OSBPL7: variants seen among roughly 807,000 people sequenced by gnomAD.
OSBPL7 encodes the protein oxysterol binding protein like 7.
Under a neutral mutation model 115.8 loss-of-function variants are expected in OSBPL7, and 66 were observed. The observed-to-expected ratio is 0.57, with a 90% CI of 0.47 to 0.70. The LOEUF (loss-of-function observed/expected upper bound fraction) is 0.70. OSBPL7 is among the 30% of genes least tolerant of loss of function. The pLI, the probability that OSBPL7 is intolerant of heterozygous loss-of-function variation, is 0.00. For synonymous variants in OSBPL7, 441 were observed against 439.2 expected, an observed-to-expected ratio of 1.00 and a Z score of -0.05; for missense variants, 902 against 1,125.5, an observed-to-expected ratio of 0.80 and a Z score of 2.84.
In OSBPL7 at chr17:47,813,659, C is replaced by G. The variant is rs780540091; in HGVS notation, c.1527G>C (p.Arg509=). Residue 509 remains arginine, a synonymous_variant, in exon 15 of 23, where the codon CGG becomes CGC. Transcript: ENST00000007414. ...TGCTGTACTCCAGCTCCTCGCAGAGCCGCTGCAGAGTGTTGAGCGGCTCGT... is the reference window on the plus strand; with the variant it reads ...TGCTGTACTCCAGCTCCTCGCAGAGGCGCTGCAGAGTGTTGAGCGGCTCGT... The part of the protein sequence containing the change: ...QLNEPLNTLQ[R]LCEELEYSSL... 6 of 1,613,266 alleles carry G rather than the reference C, an allele frequency of 3.7e-6. No homozygotes were observed. In the East Asian group the frequency reaches 1.3e-4, roughly 36 times the overall value.
intron 19 of OSBPL7, 37 bp downstream of exon 19, chr17:47,809,297 C>T (rs373566503): frequency 6.8e-6 from 11 of 1,610,752 alleles, no homozygotes; most frequent in Admixed American, 3.3e-5. Flanking sequence ...CAGAGGCTGC[C>T]GGGGATGGAT....
chr17:47,814,872 A>T (rs1467940753), intron 13 of OSBPL7: 2 of 567,896 alleles, frequency 3.5e-6, no homozygotes, highest in Non-Finnish European at 6.2e-6. Context: ...ACACAGAGGG[A>T]AGGGAAGTTG....
Position 47,818,483 on chromosome 17 carries a change from C to T in OSBPL7, c.480+23G>A, listed in dbSNP as rs996552815. The T allele has an allele frequency of 5.0e-6, 8 of 1,588,456 alleles. No homozygotes were observed. In the African/African-American group the frequency reaches 8.1e-5, roughly 16 times the overall value. ...GCCCCTGAATTGCCACATTACCTGC[C>T]CCCACCCCAGGGTCCACCTTACCTT... is the stretch of plus-strand genomic sequence containing the variant. On this transcript the variant is annotated intron_variant, in intron 6 of 22. Coordinates refer to ENST00000007414, the MANE Select transcript of OSBPL7 (RefSeq NM_145798.3).
Position 47,818,280 on chromosome 17 carries a change from C to A in OSBPL7, c.587G>T (p.Arg196Leu). 6.2e-7 allele frequency: 1 copy of A among 1,613,096 alleles called. No homozygotes were observed. The highest frequency in any genetic ancestry group is 1.7e-4 in the Middle Eastern group (1 of 5,958). Residue 196 changes from arginine (R) to leucine (L), a missense_variant, in exon 7 of 23, where the codon CGC (arginine) becomes CTC (leucine). This residue lies in a region of OSBPL7 where 667 missense variants were observed against 788.7 expected (regional missense o/e 0.85). Coordinates refer to ENST00000007414, the MANE Select transcript of OSBPL7 (RefSeq NM_145798.3). ...SWLRDSDGLD[R>L]CSHELSECQG... ...CTAGGGCCCCTCACCATGAGAGCAG[C>A]GGTCCAGCCCATCACTGTCCCTCAG... is the stretch of plus-strand genomic sequence containing the variant.
At chr17:47,815,095 A>C in intron 13 of OSBPL7, 120 bp downstream of exon 13, 1 of 1,326,962 alleles carries the variant, frequency 7.5e-7, no homozygotes, top group Non-Finnish European at 1.0e-6. Flanking sequence ...ACATAGTCCC[A>C]GAGATAGCAG....
rs371466985 is a variant in OSBPL7 at position 47,816,174 on chromosome 17, C to T, written c.1052G>A (p.Arg351His). The T allele has an allele frequency of 3.4e-5, 52 of 1,550,654 alleles. 1 individual carries two copies. The Admixed American group carries it at 4.1e-4, about 12-fold the overall frequency. Residue 351 changes from arginine to histidine, a missense_variant, in exon 12 of 23, where the codon CGC becomes CAC. Transcript: ENST00000007414. The surrounding 1 kb of genome is among the most constrained non-coding windows in gnomAD (Gnocchi z 5.8). ...GVSEASTGQR[R>H]LHSLSTSSDT... ...GGAGGAGGTGGACAGTGAGTGGAGGCGCCTCTGGCCAGTGGAGGCCTCAGA... is the reference window on the plus strand; with the variant it reads ...GGAGGAGGTGGACAGTGAGTGGAGGTGCCTCTGGCCAGTGGAGGCCTCAGA...
chr17:47,814,745 T>C, intron 13 of OSBPL7, 131 bp from the exon 14 acceptor site: 1 of 766,272 alleles, frequency 1.3e-6, no homozygotes, highest in South Asian at 1.8e-5. Context: ...TTGGGGGCAC[T>C]CTGAGCCCTA....
rs2033125785 is a variant in OSBPL7 at position 47,813,806 on chromosome 17, C to T, written c.1380G>A (p.Gly460=). The T allele has an allele frequency of 6.2e-7, 1 of 1,611,616 alleles. No individual in the cohort carries two copies. Among genetic ancestry groups the T allele is most frequent in the South Asian group, 1.1e-5 (1 of 90,978 alleles). ...KGGCVPGRPM[G]PPRRRCLPAA... ...CCGGCAGGCAGCGACGGCGGGGTGG[C>T]CCCATGGGTCTCCCTGGAACACACC... Residue 460 remains glycine (G), a synonymous_variant, in exon 15 of 23, where the codon GGG becomes GGA. Coordinates refer to ENST00000007414, the MANE Select transcript of OSBPL7 (RefSeq NM_145798.3).
intron 13 of OSBPL7, 132 bp downstream of exon 13, chr17:47,815,083 G>C: frequency 8.1e-7 from 1 of 1,239,050 alleles, no homozygotes; most frequent in Non-Finnish European, 1.1e-6. Flanking sequence ...CAGCTGATCT[G>C]GACATAGTCC....
chr17:47,809,143 G>T lies in OSBPL7; in HGVS notation c.2103C>A (p.Leu701=), dbSNP rs1316858513. ...ACAGCCCCTCGTGCCACTTCCCAAAGAGTCGGTGGAGGACACGGCCACTCC... is the reference window on the plus strand; with the variant it reads ...ACAGCCCCTCGTGCCACTTCCCAAATAGTCGGTGGAGGACACGGCCACTCC... ...LSRSGRVLHR[L]FGKWHEGLYR... The change falls in exon 20 of 23, where the codon CTC becomes CTA. Residue 701 remains leucine (L), a synonymous_variant. Coordinates refer to ENST00000007414, the MANE Select transcript of OSBPL7 (RefSeq NM_145798.3). The T allele has an allele frequency of 6.2e-7, 1 of 1,614,060 alleles. No individual in the cohort carries two copies. The highest frequency in any genetic ancestry group is 1.3e-5 in the African/African-American group (1 of 74,920).
intron 16 of OSBPL7, among the ~76,000 whole-genome samples, chr17:47,811,525 T>C (rs2033041280): frequency 6.6e-6 from 1 of 152,182 alleles, no homozygotes; most frequent in East Asian, 1.9e-4. Context: ...GCTCTGACTC[T>C]GTTGCCAAAA....
At position 47,816,935 on chromosome 17, in the gene OSBPL7, C is replaced by T; in HGVS notation, c.703-63G>A. On this transcript the variant is annotated intron_variant, in intron 8 of 22. Coordinates refer to ENST00000007414, the MANE Select transcript of OSBPL7 (RefSeq NM_145798.3). This position sits in a 1 kb window ranked among gnomAD's most constrained non-coding sequence, Gnocchi z 5.8. Reference sequence around the variant, plus strand: ...TGGGGAAAAGGGGCAGAAACCATCACAGCCTGGGAGAGGTAGACGGCCTCC... The same window carrying T: ...TGGGGAAAAGGGGCAGAAACCATCATAGCCTGGGAGAGGTAGACGGCCTCC... 1 of 1,513,580 alleles carries T rather than the reference C, an allele frequency of 6.6e-7. No homozygotes were observed. The highest frequency in any genetic ancestry group is 9.2e-7 in the Non-Finnish European group (1 of 1,089,308). The allele number at this position is 1,513,580 out of a possible 1,614,324, so 93.8% of individuals were successfully genotyped here.
In OSBPL7 at chr17:47,807,844, G is replaced by T; in HGVS notation, c.*447C>A. The T allele has an allele frequency of 5.8e-6, 1 of 172,298 alleles. No homozygotes were observed. Among genetic ancestry groups the T allele is most frequent in the Non-Finnish European group, 1.3e-5 (1 of 79,432 alleles). The allele number at this position is 172,298 out of a possible 1,614,324, so 10.7% of individuals were successfully genotyped here. On this transcript the variant is annotated 3_prime_UTR_variant, in exon 23 of 23. Coordinates refer to ENST00000007414, the MANE Select transcript of OSBPL7 (RefSeq NM_145798.3). ...TGCTGGAGATGGGCAGAAGGGGAGGGAGAACAGATCACCTCCTCTCCTTCA... is the reference window on the plus strand; with the variant it reads ...TGCTGGAGATGGGCAGAAGGGGAGGTAGAACAGATCACCTCCTCTCCTTCA...
Position 47,813,765 on chromosome 17 carries a change from C to T in OSBPL7, c.1421G>A (p.Gly474Glu), listed in dbSNP as rs748562534. Residue 474 changes from glycine to glutamate, a missense_variant, in exon 15 of 23, where the codon GGG (glycine) becomes GAG (glutamate). By Grantham distance (98) the Gly-to-Glu change is moderately conservative. Transcript: ENST00000007414. ...AATGTTCCACAGGCTCACGTCAGCC[C>T]CAGGCCCGCTGGCCGCCGGCAGGCA... ...RRCLPAASGP[G>E]ADVSLWNILR... is the part of the protein sequence containing the mutation. 3 of 1,613,052 alleles carry T rather than the reference C, an allele frequency of 1.9e-6. No individual in the cohort carries two copies. The highest frequency in any genetic ancestry group is 1.3e-5 in the African/African-American group (1 of 74,904).
Position 47,819,712 on chromosome 17 carries a change from C to A in OSBPL7, c.255+17G>T. ...GCCAGACTCCTCCCACAACCCCAAGCCACTGCCCGGGCTCACGTCTTGCCG... is the reference window on the plus strand; with the variant it reads ...GCCAGACTCCTCCCACAACCCCAAGACACTGCCCGGGCTCACGTCTTGCCG... On this transcript the variant is annotated intron_variant, in intron 4 of 22. Coordinates refer to ENST00000007414, the MANE Select transcript of OSBPL7 (RefSeq NM_145798.3). 1 of 1,614,022 alleles carries A rather than the reference C, an allele frequency of 6.2e-7. No homozygotes were observed. Among genetic ancestry groups the A allele is most frequent in the Non-Finnish European group, 8.5e-7 (1 of 1,179,994 alleles).
At chr17:47,821,362 T>C (rs939865334) in intron 1 of OSBPL7, among the ~76,000 whole-genome samples, 2 of 151,892 alleles carry the variant, frequency 1.3e-5, no homozygotes, top group Non-Finnish European at 2.9e-5. Context: ...GCCCAGGAGG[T>C]TGGGGCAGAG....
chr17:47,816,658 C>G lies in OSBPL7; in HGVS notation c.833G>C (p.Arg278Pro). 3 of 1,614,014 alleles carry G rather than the reference C, an allele frequency of 1.9e-6. No individual in the cohort carries two copies. Among genetic ancestry groups the G allele is most frequent in the South Asian group, 2.2e-5 (2 of 91,084 alleles). ...RLHGSVPNLS[R>P]YLESRDSSGT... The stretch of plus-strand genomic sequence containing the variant: ...CGAGGAGTCCCGAGACTCCAGGTAG[C>G]GAGACAGGTTGGGAACAGAGCCATG... Residue 278 changes from arginine to proline, a missense_variant, in exon 10 of 23, where the codon CGC becomes CCC. Arg to Pro is a moderately radical substitution (Grantham distance 103, BLOSUM62 -2). Transcript: ENST00000007414. The surrounding 1 kb of genome is among the most constrained non-coding windows in gnomAD (Gnocchi z 5.8).
chr17:47,814,498 C>A, intron 14 of OSBPL7, 23 bp downstream of exon 14: 2 of 1,572,124 alleles, frequency 1.3e-6, no homozygotes, highest in South Asian at 2.2e-5. Flanking sequence ...CCACCCCTCC[C>A]TGCCTGCCCA....
At chr17:47,812,369 T>C (rs1203282124) in intron 16 of OSBPL7, among the ~76,000 whole-genome samples, 3 of 152,120 alleles carry the variant, frequency 2.0e-5, no homozygotes, top group Non-Finnish European at 4.4e-5. Flanking sequence ...GATGTCCTCC[T>C]CCCTCTAAGC....
Sources: allele counts gnomAD v4.1 joint callset (sites outside exome capture counted in the v4.1 genomes callset), GRCh38; gene constraint gnomAD v4.1.1; regional missense constraint gnomAD v4.1.1; non-coding constraint Gnocchi (gnomAD v3.1); transcripts MANE v1.5; gene names NCBI Gene and HGNC (gene_info 2026-07-23, HGNC 2026-07-21).